The following IBSP variants were observed in gnomAD, a reference collection of about 807,000 sequenced individuals.
IBSP encodes integrin binding sialoprotein.
In IBSP, 19 loss-of-function variants were observed where a neutral mutation model predicts 25.5. That is an observed-to-expected ratio of 0.74 (90% CI 0.52 to 1.09). The LOEUF is 1.09. Among genes scored for constraint, IBSP ranks in the 50% least tolerant of loss-of-function variants. The pLI is 0.00. For synonymous variants in IBSP, 144 were observed against 137.6 expected (o/e 1.05, Z -0.33); for missense variants, 360 against 382.3 (o/e 0.94, Z 0.49).
chr4:87,806,888 C>A (rs1722096448), intron 5 of IBSP, among the ~76,000 whole-genome samples: 1 of 152,100 alleles, frequency 6.6e-6, no homozygotes, highest in Non-Finnish European at 1.5e-5. Flanking sequence ...ACCTGTAATT[C>A]CTGTCACTCG....
At chr4:87,805,697 G>A (rs1722079683) in intron 4 of IBSP, among the ~76,000 whole-genome samples, 1 of 152,168 alleles carries the variant, frequency 6.6e-6, no homozygotes, top group South Asian at 2.1e-4. Flanking sequence ...ACCTGCTGGA[G>A]AAGTCACAAC....
intron 1 of IBSP, among the ~76,000 whole-genome samples, chr4:87,801,667 A>T (rs1024339403): frequency 5.9e-5 from 9 of 152,124 alleles, no homozygotes; most frequent in Admixed American, 1.3e-4. Flanking sequence ...TTTTTGTTTT[A>T]TTTTTGAGAC....
In IBSP at chr4:87,805,547, T is replaced by C. The variant is rs11934542; in HGVS notation, c.184-575T>C. Among the ~76,000 whole-genome samples the C allele has an allele frequency of 2.8e-3, 430 of 152,340 alleles. 3 individuals are homozygous for C. The highest frequency in any genetic ancestry group is 1.0e-2 in the African/African-American group (414 of 41,588). ...AATTAAATGCTATTAAATTAAGTGC[T>C]AATTTAAATTCAACAGGAGAGCTCA... On this transcript the variant is annotated intron_variant, in intron 4 of 6. Coordinates refer to ENST00000226284, the MANE Select transcript of IBSP (RefSeq NM_004967.4).
intron 6 of IBSP, 71 bp downstream of exon 6, chr4:87,810,835 T>A (rs569788998): frequency 2.9e-5 from 41 of 1,418,702 alleles, no homozygotes; most frequent in East Asian, 7.1e-5. Flanking sequence ...CAATCTTTTT[T>A]AAACTTTTTA....
chr4:87,803,382 C>G (rs943622406), intron 4 of IBSP, among the ~76,000 whole-genome samples: 3 of 151,678 alleles, frequency 2.0e-5, no homozygotes, highest in Admixed American at 2.0e-4. Flanking sequence ...AATTTGTAAA[C>G]AAAAAGGAAA....
In IBSP at chr4:87,812,133, A is replaced by T. The variant is rs1283141982; in HGVS notation, c.*223A>T. ...TCATTGTAAATCAGGACCATTTATC[A>T]AGCAGTACACCAACTCATAAGATCA... is the stretch of plus-strand genomic sequence containing the variant. On this transcript the variant is annotated 3_prime_UTR_variant, in exon 7 of 7. Transcript: ENST00000226284. 2 of 430,606 alleles carry T rather than the reference A, an allele frequency of 4.6e-6. No homozygotes were observed. Among genetic ancestry groups the T allele is most frequent in the African/African-American group, 4.1e-5 (2 of 48,826 alleles). 26.7% of individuals were successfully genotyped at this position (430,606 alleles called of 1,614,324 possible).
intron 5 of IBSP, among the ~76,000 whole-genome samples, chr4:87,809,776 A>T (rs1722142764): frequency 1.3e-5 from 2 of 152,202 alleles, no homozygotes; most frequent in Admixed American, 6.5e-5. Context: ...AAAATAAATA[A>T]ATTGTATATA....
At chr4:87,800,266 T>TA (rs1437727051) in intron 1 of IBSP, among the ~76,000 whole-genome samples, 5 of 152,140 alleles carry the variant, frequency 3.3e-5, no homozygotes, top group Non-Finnish European at 7.4e-5. Context: ...ACAAAGTAAA[T>TA]AAAATTAGAT....
intron 5 of IBSP, 125 bp downstream of exon 5, chr4:87,806,309 T>C (rs767230611): frequency 2.8e-6 from 2 of 703,986 alleles, no homozygotes; most frequent in Non-Finnish European, 4.9e-6. Flanking sequence ...CATAATATCC[T>C]ATTTTGGATA....
At position 87,802,558 on chromosome 4, in the gene IBSP, G is replaced by A; in HGVS notation, c.105G>A (p.Gly35=). 6.2e-7 allele frequency: 1 copy of A among 1,603,440 alleles called. No homozygotes were observed. The highest frequency in any genetic ancestry group is 1.7e-4 in the Middle Eastern group (1 of 5,976). Residue 35 remains glycine, a splice_region_variant and synonymous_variant, in exon 3 of 7, where the codon GGG becomes GGA. Transcript: ENST00000226284. ...AAATAGAGGATTCTGAAGAAAATGGGGTAATTAATTTTAGCATACTTCCTT... is the reference window on the plus strand; with the variant it reads ...AAATAGAGGATTCTGAAGAAAATGGAGTAATTAATTTTAGCATACTTCCTT... ...RVKIEDSEEN[G]VFKYRPRYYL...
intron 4 of IBSP, 70 bp downstream of exon 4, chr4:87,802,801 A>G: frequency 1.0e-6 from 1 of 973,514 alleles, no homozygotes; most frequent in East Asian, 2.9e-5. Context: ...AATTTTAACT[A>G]TAAAACACCT....
chr4:87,802,745 T>C lies in IBSP; in HGVS notation c.183+14T>C. The C allele has an allele frequency of 6.9e-7, 1 of 1,447,598 alleles. No homozygotes were observed. The highest frequency in any genetic ancestry group is 9.2e-7 in the Non-Finnish European group (1 of 1,085,108). The allele number at this position is 1,447,598 out of a possible 1,614,324, so 89.7% of individuals were successfully genotyped here. Reference sequence around the variant, plus strand: ...TTTCCAGTTCAGGTAAATATAGAAATTCATTTTTCTTCAGTTTAATTTCTA... The same window carrying C: ...TTTCCAGTTCAGGTAAATATAGAAACTCATTTTTCTTCAGTTTAATTTCTA... On this transcript the variant is annotated intron_variant, in intron 4 of 6. Transcript: ENST00000226284.
At chr4:87,800,242 C>T (rs1721995143) in intron 1 of IBSP, among the ~76,000 whole-genome samples, 3 of 152,052 alleles carry the variant, frequency 2.0e-5, no homozygotes, top group Admixed American at 6.6e-5. Flanking sequence ...GAGGTCTTGG[C>T]TTTTTGTTGA....
chr4:87,808,416 C>T (rs1185995644), intron 5 of IBSP, among the ~76,000 whole-genome samples: 17 of 152,158 alleles, frequency 1.1e-4, no homozygotes, highest in African/African-American at 4.1e-4. Context: ...CTCCTGACCT[C>T]GTGATCCGCC....
chr4:87,810,739 T>C lies in IBSP; in HGVS notation c.380T>C (p.Leu127Ser). ...ACGCCTGGCACAGGGTATACAGGGT[T>C]AGCTGCAATCCAGCTTCCCAAGAAG... Reference protein sequence around the residue: ...DATPGTGYTGLAAIQLPKKAG... With the variant: ...DATPGTGYTGSAAIQLPKKAG... The change falls in exon 6 of 7, where the codon TTA becomes TCA. Residue 127 changes from leucine to serine, a missense_variant. By Grantham distance (145) the Leu-to-Ser change is moderately radical. Coordinates refer to ENST00000226284, the MANE Select transcript of IBSP (RefSeq NM_004967.4). 6.2e-7 allele frequency: 1 copy of C among 1,612,016 alleles called. No individual in the cohort carries two copies. Among genetic ancestry groups the C allele is most frequent in the Non-Finnish European group, 8.5e-7 (1 of 1,179,398 alleles).
intron 1 of IBSP, among the ~76,000 whole-genome samples, chr4:87,802,087 C>G (rs1047081962): frequency 6.6e-6 from 1 of 152,126 alleles, no homozygotes; most frequent in Non-Finnish European, 1.5e-5. Flanking sequence ...ATGAAAAGGT[C>G]TTCCATTGAG....
Position 87,802,555 on chromosome 4 carries a change from T to TG in IBSP, c.105+1dup. The TG allele has an allele frequency of 1.2e-6, 2 of 1,604,348 alleles. No homozygotes were observed. The stretch of plus-strand genomic sequence containing the variant: ...TCAAAATAGAGGATTCTGAAGAAAA[T>TG]GGGGTAATTAATTTTAGCATACTTC... On this transcript the variant is annotated frameshift_variant, in exon 3 of 7. Transcript: ENST00000226284. LOFTEE classifies it high-confidence loss of function.
intron 1 of IBSP, among the ~76,000 whole-genome samples, chr4:87,801,440 C>CCTCTCTGT (rs930169704): frequency 6.7e-6 from 1 of 150,248 alleles, no homozygotes; most frequent in African/African-American, 2.5e-5. Context: ...TATTATGGAT[C>CCTCTCTGT]CTCTCTGTCT....
chr4:87,804,966 C>T (rs1298340406), intron 4 of IBSP, among the ~76,000 whole-genome samples: 1 of 152,136 alleles, frequency 6.6e-6, no homozygotes, highest in Admixed American at 6.6e-5. Context: ...TCTATTCACC[C>T]TCTGGGCTAG....
Sources: gnomAD v4.1 joint callset for allele counts (sites outside exome capture counted in the v4.1 genomes callset) on GRCh38, gnomAD v4.1.1 for gene constraint, MANE v1.5 for transcripts, NCBI Gene and HGNC (gene_info 2026-07-23, HGNC 2026-07-21) for gene names.